Variants in ARHGAP15 observed in about 807,000 individuals in gnomAD.
ARHGAP15 encodes rho GTPase-activating protein 15.
Under a neutral mutation model 63.7 loss-of-function variants are expected in ARHGAP15, and 51 were observed. The observed-to-expected ratio is 0.80, with a 90% CI of 0.64 to 1.01. The LOEUF (loss-of-function observed/expected upper bound fraction) is 1.01. Ranked by LOEUF, ARHGAP15 falls within the 50% of genes least tolerant of loss-of-function variation. The probability of loss-of-function intolerance (pLI) is 0.00; values close to 1 mark genes in which losing one functional copy is unlikely to be tolerated. For missense variants in ARHGAP15, 560 were observed against 564.6 expected (o/e 0.99, Z 0.08); for synonymous variants, 191 against 193.8 (o/e 0.99, Z 0.12).
At position 143,276,422 on chromosome 2, in the gene ARHGAP15, A is replaced by G. The variant is rs147602261; in HGVS notation, c.474+25822A>G. On this transcript the variant is annotated intron_variant, in intron 6 of 13. Coordinates refer to ENST00000295095, the MANE Select transcript of ARHGAP15 (RefSeq NM_018460.4). ...CTTATGGCAAAATCAGGGTTTAAACACAGAGGTGGGTTGCCTGTAGTGCCT... is the reference window on the plus strand; with the variant it reads ...CTTATGGCAAAATCAGGGTTTAAACGCAGAGGTGGGTTGCCTGTAGTGCCT... Among the ~76,000 whole-genome samples, 27 of 152,328 alleles carry G rather than the reference A, an allele frequency of 1.8e-4. No individual in the cohort carries two copies. In the East Asian group the frequency reaches 5.0e-3, roughly 28 times the overall value.
intron 4 of ARHGAP15, among the ~76,000 whole-genome samples, chr2:143,222,124 C>T (rs1186649834): frequency 6.6e-6 from 1 of 152,182 alleles, no homozygotes. Context: ...TTTGACCCAC[C>T]TTTTAGCAGT....
At chr2:143,307,562 C>T (rs554892467) in intron 6 of ARHGAP15, among the ~76,000 whole-genome samples, 1 of 152,272 alleles carries the variant, frequency 6.6e-6, no homozygotes, top group African/African-American at 2.4e-5. Flanking sequence ...TCAAAACCTT[C>T]TGTCCCATAT....
At chr2:143,381,007 G>A (rs1306896694) in intron 6 of ARHGAP15, among the ~76,000 whole-genome samples, 2 of 152,128 alleles carry the variant, frequency 1.3e-5, no homozygotes, top group African/African-American at 4.8e-5. Context: ...TGAATGACAC[G>A]TTAAGAACAT....
At chr2:143,298,037 C>A (rs1037628378) in intron 6 of ARHGAP15, among the ~76,000 whole-genome samples, 3 of 151,808 alleles carry the variant, frequency 2.0e-5, no homozygotes, top group Non-Finnish European at 4.4e-5. Flanking sequence ...ATTATACTGC[C>A]CTGGGTTCAT....
chr2:143,129,686 G>A (rs1688846181), intron 1 of ARHGAP15, among the ~76,000 whole-genome samples: 1 of 152,056 alleles, frequency 6.6e-6, no homozygotes, highest in Non-Finnish European at 1.5e-5. Context: ...ATAATAATAA[G>A]ATGATTTGCT....
intron 1 of ARHGAP15, among the ~76,000 whole-genome samples, chr2:143,153,830 CT>C (rs1558779396): frequency 0.013 from 1,197 of 93,070 alleles, 50 homozygotes; most frequent in Non-Finnish European, 0.017. Flanking sequence ...TCTTCTTCTT[CT>C]TCTTCTTCTT....
intron 2 of ARHGAP15, among the ~76,000 whole-genome samples, chr2:143,160,303 CTT>C (rs1690240061): frequency 6.6e-6 from 1 of 151,912 alleles, no homozygotes; most frequent in Non-Finnish European, 1.5e-5. Flanking sequence ...TTAAATCTCT[CTT>C]ATCTCATCAA....
chr2:143,422,305 A>C (rs916142214), intron 6 of ARHGAP15, among the ~76,000 whole-genome samples: 1 of 152,158 alleles, frequency 6.6e-6, no homozygotes, highest in African/African-American at 2.4e-5. Flanking sequence ...AAATTGAGGG[A>C]GAAACTTACT....
At chr2:143,700,190 A>G (rs903690094) in intron 12 of ARHGAP15, among the ~76,000 whole-genome samples, 11 of 152,266 alleles carry the variant, frequency 7.2e-5, no homozygotes, top group Middle Eastern at 3.4e-3. Context: ...CAGGAGAGGG[A>G]GAGCTGACTC....
chr2:143,518,218 G>A (rs12691682), intron 9 of ARHGAP15, among the ~76,000 whole-genome samples: 84,466 of 152,070 alleles, frequency 0.56, 23,831 homozygotes, highest in Non-Finnish European at 0.61. Context: ...ACAAACATCT[G>A]TCTTTAAATA....
chr2:143,279,490 C>A (rs1391195505), intron 6 of ARHGAP15, among the ~76,000 whole-genome samples: 1 of 152,146 alleles, frequency 6.6e-6, no homozygotes, highest in Admixed American at 6.6e-5. Context: ...CCTTTCCAAT[C>A]CCCATGATCT....
chr2:143,308,888 T>G (rs1441747750), intron 6 of ARHGAP15, among the ~76,000 whole-genome samples: 1 of 149,858 alleles, frequency 6.7e-6, no homozygotes, highest in Non-Finnish European at 1.5e-5. Context: ...GGGCTAGTAT[T>G]TGTGCTGCTA....
chr2:143,409,100 G>A (rs1688334450), intron 6 of ARHGAP15, among the ~76,000 whole-genome samples: 1 of 151,852 alleles, frequency 6.6e-6, no homozygotes, highest in Non-Finnish European at 1.5e-5. Context: ...AGAATAAATT[G>A]AAAATATATT....
At chr2:143,613,849 C>T (rs184731786) in intron 11 of ARHGAP15, among the ~76,000 whole-genome samples, 5 of 152,258 alleles carry the variant, frequency 3.3e-5, no homozygotes, top group East Asian at 3.9e-4. Context: ...CTCTTCTATA[C>T]GCCCACTCCA....
intron 10 of ARHGAP15, among the ~76,000 whole-genome samples, chr2:143,543,829 A>G (rs1326347420): frequency 6.6e-6 from 1 of 152,170 alleles, no homozygotes; most frequent in Admixed American, 6.5e-5. Context: ...TTTTAAGTCA[A>G]CAAAGTGTTT....
At chr2:143,648,440 T>G (rs931204097) in intron 12 of ARHGAP15, among the ~76,000 whole-genome samples, 1 of 152,054 alleles carries the variant, frequency 6.6e-6, no homozygotes, top group Non-Finnish European at 1.5e-5. Flanking sequence ...ATTGTTTTTA[T>G]GTCAAGAATA....
intron 3 of ARHGAP15, among the ~76,000 whole-genome samples, chr2:143,210,410 A>G (rs1161413455): frequency 6.6e-6 from 1 of 152,138 alleles, no homozygotes; most frequent in East Asian, 1.9e-4. Context: ...ACATCAAATA[A>G]TAACATTTTC....
At chr2:143,325,045 TTTC>T in intron 6 of ARHGAP15, among the ~76,000 whole-genome samples, 1 of 152,182 alleles carries the variant, frequency 6.6e-6, no homozygotes. Flanking sequence ...GGTTTTATTA[TTTC>T]TTATGAATCA....
chr2:143,276,518 TTAA>T (rs2105068018), intron 6 of ARHGAP15, among the ~76,000 whole-genome samples: 1 of 152,378 alleles, frequency 6.6e-6, no homozygotes, highest in East Asian at 1.9e-4. Flanking sequence ...ATTAGAATTA[TTAA>T]TCCCATTTGT....
Sources: gnomAD v4.1 joint callset for allele counts (sites outside exome capture counted in the v4.1 genomes callset) on GRCh38, gnomAD v4.1.1 for gene constraint, MANE v1.5 for transcripts, NCBI Gene and HGNC (gene_info 2026-07-23, HGNC 2026-07-21) for gene names.